The following WWC2 variants were observed in gnomAD, a reference collection of about 807,000 sequenced individuals.
The protein encoded by WWC2 is protein WWC2.
WWC2 carries 101 observed loss-of-function variants against 138.5 expected under a neutral mutation model. The observed-to-expected ratio is 0.73, with a 90% CI of 0.62 to 0.86. The LOEUF is 0.86. Among genes scored for constraint, WWC2 ranks in the 40% least tolerant of loss-of-function variants. WWC2 has a pLI of 0.00. For synonymous variants in WWC2, 558 were observed against 538.4 expected (o/e 1.04, Z -0.50); for missense variants, 1,420 against 1,419.4 (o/e 1.00, Z -0.01).
intron 16 of WWC2, among the ~76,000 whole-genome samples, chr4:183,275,954 G>A (rs1737842333): frequency 6.6e-6 from 1 of 152,074 alleles, no homozygotes. Flanking sequence ...AGTCTATTTA[G>A]ACTTAGAAGT....
rs191990110 is a variant in WWC2 at position 183,183,737 on chromosome 4, C to A, written c.132-9862C>A. 4.0e-3 allele frequency among the ~76,000 whole-genome samples: 613 copies of A among 151,920 alleles called. 2 individuals are homozygous for A. Among genetic ancestry groups the A allele is most frequent in the African/African-American group, 0.014 (579 of 41,422 alleles). Reference sequence around the variant, plus strand: ...AGGCTGTAGTGAGCTGAGCCGTGATCGTCCCGCTGCACTCCAGCCTGGATG... The same window carrying A: ...AGGCTGTAGTGAGCTGAGCCGTGATAGTCCCGCTGCACTCCAGCCTGGATG... On this transcript the variant is annotated intron_variant, in intron 1 of 22. Transcript: ENST00000403733.
intron 19 of WWC2, 125 bp from the exon 20 acceptor site, chr4:183,285,842 T>G (rs902941040): frequency 4.1e-5 from 34 of 825,284 alleles, no homozygotes; most frequent in Non-Finnish European, 5.7e-5. Flanking sequence ...TTGAGGGGAT[T>G]TTCTTAAAGA....
chr4:183,195,852 G>A (rs1434359060), intron 2 of WWC2, among the ~76,000 whole-genome samples: 1 of 151,982 alleles, frequency 6.6e-6, no homozygotes, highest in East Asian at 1.9e-4. Context: ...GAGGGCACCC[G>A]AGACCCCACG....
intron 5 of WWC2, among the ~76,000 whole-genome samples, chr4:183,243,310 G>C (rs765880318): frequency 7.9e-5 from 12 of 152,196 alleles, no homozygotes; most frequent in Non-Finnish European, 1.6e-4. Context: ...CACAATTTCA[G>C]ATATCCCTAT....
At chr4:183,254,393 C>T (rs995691814) in intron 9 of WWC2, among the ~76,000 whole-genome samples, 7 of 152,216 alleles carry the variant, frequency 4.6e-5, no homozygotes, top group African/African-American at 1.4e-4. Context: ...TATTGCTAGT[C>T]ATTTCACGAG....
chr4:183,277,264 AATG>A (rs1295272287), intron 16 of WWC2, among the ~76,000 whole-genome samples: 12 of 151,026 alleles, frequency 7.9e-5, no homozygotes, highest in African/African-American at 2.9e-4. Flanking sequence ...GTTTACTGAG[AATG>A]ATGATTTCCA....
At chr4:183,313,290 G>A (rs140355254) in intron 22 of WWC2, among the ~76,000 whole-genome samples, 3 of 152,310 alleles carry the variant, frequency 2.0e-5, no homozygotes, top group African/African-American at 2.4e-5. Context: ...TCTGACGGGC[G>A]GCCAGCAGGG....
chr4:183,129,638 C>T (rs757338916), intron 1 of WWC2, among the ~76,000 whole-genome samples: 2 of 152,182 alleles, frequency 1.3e-5, no homozygotes, highest in African/African-American at 2.4e-5. Flanking sequence ...AGAATCTGTA[C>T]AGTTGTTCTT....
At chr4:183,182,412 G>T (rs533201984) in intron 1 of WWC2, among the ~76,000 whole-genome samples, 2 of 152,154 alleles carry the variant, frequency 1.3e-5, no homozygotes, top group South Asian at 4.1e-4. Context: ...TATTTGTTTG[G>T]ACAATAATCC....
At chr4:183,283,832 A>G (rs1303575946) in intron 18 of WWC2, among the ~76,000 whole-genome samples, 1 of 152,208 alleles carries the variant, frequency 6.6e-6, no homozygotes, top group Non-Finnish European at 1.5e-5. Context: ...AAAACAATGT[A>G]ATCAGAAAGT....
intron 1 of WWC2, among the ~76,000 whole-genome samples, chr4:183,115,128 G>C (rs1432664701): frequency 6.6e-6 from 1 of 152,128 alleles, no homozygotes; most frequent in Admixed American, 6.5e-5. Flanking sequence ...TGCGGTATTT[G>C]GTTTTCTATT....
At chr4:183,313,888 G>A (rs1004031913) in intron 22 of WWC2, among the ~76,000 whole-genome samples, 1 of 150,466 alleles carries the variant, frequency 6.6e-6, no homozygotes, top group Non-Finnish European at 1.5e-5. Context: ...CCCGACGGAG[G>A]GAGCTCAGCA....
chr4:183,157,932 A>G (rs1312212058), intron 1 of WWC2, among the ~76,000 whole-genome samples: 1 of 151,892 alleles, frequency 6.6e-6, no homozygotes, highest in African/African-American at 2.4e-5. Flanking sequence ...TTGCCTTTCC[A>G]AGGGACTGCC....
chr4:183,266,185 C>T (rs2111369581), intron 14 of WWC2, among the ~76,000 whole-genome samples: 1 of 152,282 alleles, frequency 6.6e-6, no homozygotes, highest in South Asian at 2.1e-4. Context: ...GACATTTAAT[C>T]TCTTTTTTGT....
At chr4:183,312,252 G>T in intron 21 of WWC2, 89 bp from the exon 22 acceptor site, 1 of 1,556,854 alleles carries the variant, frequency 6.4e-7, no homozygotes, top group Non-Finnish European at 8.7e-7. Flanking sequence ...CCTGACTTTA[G>T]TCCACAATCT....
intron 1 of WWC2, among the ~76,000 whole-genome samples, chr4:183,114,807 GTTGT>G (rs781770537): frequency 7.9e-5 from 12 of 151,958 alleles, no homozygotes; most frequent in South Asian, 4.2e-4. Context: ...TACCCCGTAG[GTTGT>G]TTGTTTGTTT....
rs779426062 is a variant in WWC2, at chr4:183,320,303, T to G, written c.*4574T>G. On this transcript the variant is annotated 3_prime_UTR_variant, in exon 23 of 23. Coordinates refer to ENST00000403733, the MANE Select transcript of WWC2 (RefSeq NM_024949.6). ...AGTGTGACACTTGTGTTATAACTTA[T>G]GAAACTCAGAAATATTTCTTCATTG... is the stretch of plus-strand genomic sequence containing the variant. 4 of 1,235,120 alleles carry G rather than the reference T, an allele frequency of 3.2e-6. No individual in the cohort carries two copies. Among genetic ancestry groups the G allele is most frequent in the Non-Finnish European group, 4.6e-6 (4 of 875,920 alleles). 76.5% of individuals were successfully genotyped at this position (1,235,120 alleles called of 1,614,324 possible). A position where few individuals can be genotyped will look rare whatever the true frequency, so the allele number is the denominator to read the frequency against.
rs750435618 is a variant in WWC2 at position 183,268,966 on chromosome 4, T to C, written c.2208-5T>C. On this transcript the variant is annotated splice_region_variant and splice_polypyrimidine_tract_variant and intron_variant, in intron 14 of 22. Coordinates refer to ENST00000403733, the MANE Select transcript of WWC2 (RefSeq NM_024949.6). ...TGAAATCCATTTTATTCTTGTTCTT[T>C]GCAGATATTTTAGGGTTGCCGTTCT... 5.0e-6 allele frequency: 8 copies of C among 1,608,258 alleles called. No individual in the cohort carries two copies. Among genetic ancestry groups the C allele is most frequent in the African/African-American group, 1.3e-5 (1 of 74,710 alleles).
intron 1 of WWC2, among the ~76,000 whole-genome samples, chr4:183,126,895 A>ATT (rs11412789): frequency 0.056 from 7,484 of 134,228 alleles, 308 homozygotes; most frequent in Non-Finnish European, 0.085. Context: ...TGCCCAGCTA[A>ATT]TTTTTTTTTT....
Sources: allele counts gnomAD v4.1 joint callset (sites outside exome capture counted in the v4.1 genomes callset), GRCh38; gene constraint gnomAD v4.1.1; transcripts MANE v1.5; gene names NCBI Gene and HGNC (gene_info 2026-07-23, HGNC 2026-07-21).